Variants in TLL1 observed in about 807,000 individuals in gnomAD.
TLL1 encodes the protein tolloid like 1.
Under a neutral mutation model 128.2 loss-of-function variants are expected in TLL1, and 49 were observed. That is an observed-to-expected ratio of 0.38 (90% CI 0.30 to 0.48). The LOEUF is 0.48. Among genes scored for constraint, TLL1 ranks in the 20% least tolerant of loss-of-function variants. The probability of loss-of-function intolerance (pLI) is 0.96; values close to 1 mark genes in which losing one functional copy is unlikely to be tolerated. For synonymous variants in TLL1, 454 were observed against 418.8 expected (o/e 1.08, Z -1.03); for missense variants, 1,123 against 1,242.0 (o/e 0.90, Z 1.44).
intron 18 of TLL1, among the ~76,000 whole-genome samples, chr4:166,079,756 G>T (rs1741203425): frequency 6.6e-6 from 1 of 152,044 alleles, no homozygotes; most frequent in Admixed American, 6.6e-5. Flanking sequence ...CTGTGCCATT[G>T]TCTGTCTTCT....
intron 9 of TLL1, chr4:166,030,964 C>T: frequency 1.0e-6 from 1 of 969,494 alleles, no homozygotes; most frequent in Non-Finnish European, 1.2e-6. Flanking sequence ...AAAATACCTT[C>T]ATTTCAAACA....
At chr4:166,000,782 G>C (rs906404383) in intron 5 of TLL1, among the ~76,000 whole-genome samples, 1 of 151,448 alleles carries the variant, frequency 6.6e-6, no homozygotes, top group Non-Finnish European at 1.5e-5. Context: ...TACATAATAG[G>C]TACCTATATA....
intron 1 of TLL1, among the ~76,000 whole-genome samples, chr4:165,899,545 T>C (rs2110848913): frequency 6.6e-6 from 1 of 152,354 alleles, no homozygotes; most frequent in Middle Eastern, 3.4e-3. Flanking sequence ...AGTGAGTTTC[T>C]TAATCCTGAG....
intron 16 of TLL1, among the ~76,000 whole-genome samples, chr4:166,072,626 G>A (rs1290363578): frequency 1.3e-5 from 2 of 151,202 alleles, no homozygotes; most frequent in Non-Finnish European, 2.9e-5. Flanking sequence ...TCAAAAATAT[G>A]AGCAAAGGAC....
chr4:166,086,776 A>G (rs1467745988), intron 18 of TLL1, among the ~76,000 whole-genome samples: 1 of 152,144 alleles, frequency 6.6e-6, no homozygotes, highest in Non-Finnish European at 1.5e-5. Flanking sequence ...TTCCCAATTT[A>G]GACTACTGAC....
intron 1 of TLL1, among the ~76,000 whole-genome samples, chr4:165,951,126 C>A (rs1260598872): frequency 6.6e-6 from 1 of 152,042 alleles, no homozygotes; most frequent in Non-Finnish European, 1.5e-5. Flanking sequence ...AAGTTCTATG[C>A]ACATACATTT....
At chr4:165,923,443 T>TG (rs1733132908) in intron 1 of TLL1, among the ~76,000 whole-genome samples, 1 of 131,676 alleles carries the variant, frequency 7.6e-6, no homozygotes, top group Admixed American at 7.9e-5. Context: ...TTTTTTTTTT[T>TG]TTTGAGACAG....
chr4:166,047,444 A>G (rs936216165), intron 12 of TLL1, among the ~76,000 whole-genome samples: 30 of 150,606 alleles, frequency 2.0e-4, no homozygotes, highest in South Asian at 6.2e-4. Flanking sequence ...GATTACAGGT[A>G]TGAGCCACCG....
intron 18 of TLL1, among the ~76,000 whole-genome samples, chr4:166,089,401 G>A (rs2111155945): frequency 6.6e-6 from 1 of 152,198 alleles, no homozygotes. Context: ...CATACTTGAG[G>A]TTGGCCATAA....
At chr4:165,934,983 C>T (rs1381778710) in intron 1 of TLL1, among the ~76,000 whole-genome samples, 2 of 152,114 alleles carry the variant, frequency 1.3e-5, no homozygotes, top group Non-Finnish European at 2.9e-5. Flanking sequence ...TATTTTGTTA[C>T]AGCGAATACT....
chr4:166,095,375 A>T (rs1302166904), intron 19 of TLL1, among the ~76,000 whole-genome samples: 1 of 151,846 alleles, frequency 6.6e-6, no homozygotes, highest in Non-Finnish European at 1.5e-5. Flanking sequence ...GTATTACTCC[A>T]GTCTTAAATA....
intron 18 of TLL1, among the ~76,000 whole-genome samples, chr4:166,078,805 G>A (rs576158771): frequency 6.6e-6 from 1 of 152,236 alleles, no homozygotes; most frequent in African/African-American, 2.4e-5. Flanking sequence ...GCTCAGGAAA[G>A]AGCCTAGCAG....
At chr4:166,032,742 A>G (rs1738826845) in intron 9 of TLL1, among the ~76,000 whole-genome samples, 2 of 152,262 alleles carry the variant, frequency 1.3e-5, no homozygotes, top group Admixed American at 1.3e-4. Context: ...GAAAATAAGA[A>G]AATTTAAAAT....
intron 1 of TLL1, among the ~76,000 whole-genome samples, chr4:165,956,877 T>C (rs1321155161): frequency 6.6e-6 from 1 of 152,074 alleles, no homozygotes; most frequent in Non-Finnish European, 1.5e-5. Context: ...GGTCCCTGAC[T>C]TCCCGCAATA....
At chr4:165,965,879 C>A (rs1046718747) in intron 1 of TLL1, among the ~76,000 whole-genome samples, 2 of 152,026 alleles carry the variant, frequency 1.3e-5, no homozygotes, top group African/African-American at 4.8e-5. Flanking sequence ...TTGAGTTGAA[C>A]TTAGAAAATA....
intron 1 of TLL1, chr4:165,920,049 C>A (rs1732976553): frequency 2.8e-5 from 6 of 215,898 alleles, no homozygotes; most frequent in Non-Finnish European, 5.8e-5. Flanking sequence ...GCATCATACC[C>A]CAAAATACTG....
At chr4:165,980,982 T>A (rs1025115619) in intron 1 of TLL1, among the ~76,000 whole-genome samples, 1 of 152,238 alleles carries the variant, frequency 6.6e-6, no homozygotes, top group African/African-American at 2.4e-5. Context: ...TAAGCCTCCA[T>A]GGCTTCATTA....
At chr4:166,083,634 TGTA>T (rs1741381892) in intron 18 of TLL1, among the ~76,000 whole-genome samples, 1 of 123,090 alleles carries the variant, frequency 8.1e-6, no homozygotes, top group Non-Finnish European at 1.9e-5. Flanking sequence ...AGTGTGACCA[TGTA>T]GTATTTATCT....
intron 1 of TLL1, among the ~76,000 whole-genome samples, chr4:165,904,778 G>A (rs1732170845): frequency 6.6e-6 from 1 of 152,166 alleles, no homozygotes; most frequent in Non-Finnish European, 1.5e-5. Context: ...ACTTGCATAT[G>A]CAACCTATAA....
Sources: allele counts gnomAD v4.1 joint callset (sites outside exome capture counted in the v4.1 genomes callset), GRCh38; gene constraint gnomAD v4.1.1; transcripts MANE v1.5; gene names NCBI Gene and HGNC (gene_info 2026-07-23, HGNC 2026-07-21).